The following A1CF variants were observed in gnomAD, a reference collection of about 807,000 sequenced individuals.
The protein encoded by A1CF is APOBEC-1 stimulating protein.
Under a neutral mutation model 68.9 loss-of-function variants are expected in A1CF, and 48 were observed. That is an observed-to-expected ratio of 0.70 (90% CI 0.55 to 0.89). The LOEUF is 0.89. A1CF is among the 40% of genes least tolerant of loss of function. The pLI is 0.00. For missense variants in A1CF, 653 were observed against 718.9 expected, an observed-to-expected ratio of 0.91 and a Z score of 1.05; for synonymous variants, 272 against 260.4, an observed-to-expected ratio of 1.04 and a Z score of -0.43.
intron 1 of A1CF, among the ~76,000 whole-genome samples, chr10:50,877,651 G>C (rs1841572369): frequency 6.6e-6 from 1 of 152,244 alleles, no homozygotes; most frequent in Admixed American, 6.5e-5. Flanking sequence ...AAGTGGCTTT[G>C]AGTACTGATC....
intron 3 of A1CF, among the ~76,000 whole-genome samples, chr10:50,853,678 A>G (rs1589023226): frequency 6.6e-6 from 1 of 152,196 alleles, no homozygotes; most frequent in Admixed American, 6.6e-5. Context: ...ACTAAATTAA[A>G]GAATTTTCTT....
intron 2 of A1CF, among the ~76,000 whole-genome samples, chr10:50,861,408 ATAG>A (rs1840739847): frequency 6.7e-6 from 1 of 149,534 alleles, no homozygotes; most frequent in Non-Finnish European, 1.5e-5. Context: ...AGTATCACTA[ATAG>A]TAGTAATGAT....
intron 3 of A1CF, among the ~76,000 whole-genome samples, chr10:50,852,198 A>G (rs968024934): frequency 1.3e-5 from 2 of 152,238 alleles, no homozygotes; most frequent in Non-Finnish European, 2.9e-5. Context: ...TGTGTCGTTT[A>G]TGAAGATTTT....
rs1389942862 is a variant in A1CF, at chr10:50,805,021, T to C, written c.*1708A>G. ...GAAATATTAGACGCTAAATGTAAAG[T>C]AGAAAGCACAGGGCCTTTCAGAGTT... is the stretch of plus-strand genomic sequence containing the variant. On this transcript the variant is annotated 3_prime_UTR_variant, in exon 13 of 13. Transcript: ENST00000373997. The C allele has an allele frequency of 6.6e-6, 1 of 152,222 alleles. No homozygotes were observed. 9.4% of individuals were successfully genotyped at this position (152,222 alleles called of 1,614,324 possible). A position where few individuals can be genotyped will look rare whatever the true frequency, so the allele number is the denominator to read the frequency against.
At chr10:50,871,713 C>CCCT (rs1841275256) in intron 1 of A1CF, among the ~76,000 whole-genome samples, 1 of 151,888 alleles carries the variant, frequency 6.6e-6, no homozygotes, top group Non-Finnish European at 1.5e-5. Flanking sequence ...ATAGGGGGAT[C>CCCT]ATAAACAATT....
intron 10 of A1CF, among the ~76,000 whole-genome samples, chr10:50,813,568 G>C (rs543053186): frequency 1.4e-4 from 22 of 152,200 alleles, no homozygotes; most frequent in African/African-American, 4.8e-4. Context: ...CCTCATTTCG[G>C]GTATGGGTTG....
intron 1 of A1CF, among the ~76,000 whole-genome samples, chr10:50,881,938 C>G (rs1242068246): frequency 3.3e-5 from 5 of 152,244 alleles, no homozygotes; most frequent in Middle Eastern, 3.4e-3. Context: ...GCATAAAACT[C>G]CACATATAAA....
chr10:50,866,744 C>T (rs1243189345), intron 1 of A1CF, among the ~76,000 whole-genome samples: 2 of 152,002 alleles, frequency 1.3e-5, no homozygotes, highest in African/African-American at 2.4e-5. Flanking sequence ...GAAAACTAAG[C>T]GAGGATTTTA....
chr10:50,828,368 G>A (rs1839072775), intron 6 of A1CF, 73 bp from the exon 7 acceptor site: 3 of 1,275,496 alleles, frequency 2.4e-6, no homozygotes, highest in Non-Finnish European at 3.2e-6. Flanking sequence ...TATACCAATG[G>A]TCTTTTAAAT....
Position 50,841,958 on chromosome 10 carries a change from T to C in A1CF, c.269A>G (p.Asp90Gly). The C allele has an allele frequency of 6.2e-7, 1 of 1,611,324 alleles. No individual in the cohort carries two copies. Among genetic ancestry groups the C allele is most frequent in the Non-Finnish European group, 8.5e-7 (1 of 1,178,524 alleles). Residue 90 changes from aspartate to glycine, a missense_variant, in exon 5 of 13, where the codon GAT (aspartate) becomes GGT (glycine). By Grantham distance (94) the Asp-to-Gly change is moderately conservative (BLOSUM62 -1). Coordinates refer to ENST00000373997, the MANE Select transcript of A1CF (RefSeq NM_014576.4). ...ATATCCTCTATTGTTGCCATTAAAA[T>C]CCATCATCATTCTCATTTCATAAAT... Reference protein sequence around the residue: ...GKIYEMRMMMDFNGNNRGYAF... With the variant: ...GKIYEMRMMMGFNGNNRGYAF...
At chr10:50,850,919 C>T in intron 3 of A1CF, 1 of 1,279,182 alleles carries the variant, frequency 7.8e-7, no homozygotes, top group African/African-American at 1.5e-5. Flanking sequence ...TTTTTGTTTA[C>T]TTACAATTTG....
chr10:50,869,099 C>T (rs1212223555), intron 1 of A1CF, among the ~76,000 whole-genome samples: 1 of 151,898 alleles, frequency 6.6e-6, no homozygotes, highest in Non-Finnish European at 1.5e-5. Flanking sequence ...ACAAGTTCAC[C>T]TGTGTAATAA....
chr10:50,828,999 G>A (rs1262395252), intron 6 of A1CF, among the ~76,000 whole-genome samples: 1 of 152,164 alleles, frequency 6.6e-6, no homozygotes, highest in Non-Finnish European at 1.5e-5. Context: ...TCTGTAAAGG[G>A]TAGTTGTTCT....
intron 3 of A1CF, among the ~76,000 whole-genome samples, chr10:50,851,333 A>G (rs1343870095): frequency 1.3e-5 from 2 of 152,198 alleles, no homozygotes; most frequent in African/African-American, 4.8e-5. Context: ...GAAAATGTTC[A>G]TAGGATGTTT....
In A1CF at chr10:50,805,998, T is replaced by C. The variant is rs550881655; in HGVS notation, c.*731A>G. 2.4e-4 allele frequency: 37 copies of C among 152,228 alleles called. No homozygotes were observed. The highest frequency in any genetic ancestry group is 8.2e-4 in the African/African-American group (34 of 41,532). 9.4% of individuals were successfully genotyped at this position (152,228 alleles called of 1,614,324 possible). A position where few individuals can be genotyped will look rare whatever the true frequency, so the allele number is the denominator to read the frequency against. ...CATGATTATTGGAAAAGGTAGGAGT[T>C]CTAGGGAAAAATAGGTGTGGACTAA... On this transcript the variant is annotated 3_prime_UTR_variant, in exon 13 of 13. Coordinates refer to ENST00000373997, the MANE Select transcript of A1CF (RefSeq NM_014576.4).
rs867670320 is a variant in A1CF at position 50,801,702 on chromosome 10, C to G, written c.*5027G>C. On this transcript the variant is annotated 3_prime_UTR_variant, in exon 13 of 13. Coordinates refer to ENST00000373997, the MANE Select transcript of A1CF (RefSeq NM_014576.4). ...AAAGAGAACAAGCTGTATTCTTCTTCTTGAATTTCTCTCTCAAAATAGGAG... is the reference window on the plus strand; with the variant it reads ...AAAGAGAACAAGCTGTATTCTTCTTGTTGAATTTCTCTCTCAAAATAGGAG... 6.6e-6 allele frequency: 1 copy of G among 152,162 alleles called. No homozygotes were observed. Among genetic ancestry groups the G allele is most frequent in the Non-Finnish European group, 1.5e-5 (1 of 68,016 alleles). 9.4% of individuals were successfully genotyped at this position (152,162 alleles called of 1,614,324 possible). A position where few individuals can be genotyped will look rare whatever the true frequency, so the allele number is the denominator to read the frequency against.
chr10:50,834,160 G>GGA, intron 6 of A1CF, among the ~76,000 whole-genome samples: 1 of 152,152 alleles, frequency 6.6e-6, no homozygotes, highest in South Asian at 2.1e-4. Context: ...TTCAGGAGGT[G>GGA]GAGCTTCTCT....
At chr10:50,852,248 A>T (rs1461328313) in intron 3 of A1CF, among the ~76,000 whole-genome samples, 3 of 152,216 alleles carry the variant, frequency 2.0e-5, no homozygotes, top group Non-Finnish European at 4.4e-5. Context: ...TCAACACCCT[A>T]TGAGGCTATT....
At chr10:50,811,993 G>A (rs907775218) in intron 10 of A1CF, among the ~76,000 whole-genome samples, 1 of 152,182 alleles carries the variant, frequency 6.6e-6, no homozygotes. Context: ...GTCTCAGGAT[G>A]TGTCTCTGAG....
Sources: gnomAD v4.1 joint callset for allele counts (sites outside exome capture counted in the v4.1 genomes callset) on GRCh38, gnomAD v4.1.1 for gene constraint, MANE v1.5 for transcripts, NCBI Gene and HGNC (gene_info 2026-07-23, HGNC 2026-07-21) for gene names.